Variants in ATXN1 observed in about 807,000 individuals in gnomAD.
ATXN1 encodes the protein ataxin-1.
Under a neutral mutation model 56.4 loss-of-function variants are expected in ATXN1, and 8 were observed. The ratio of observed to expected loss-of-function variants is 0.14; its 90% CI spans 0.08 to 0.26. The LOEUF is 0.26. Among genes scored for constraint, ATXN1 ranks in the 10% least tolerant of loss-of-function variants. The pLI is 1.00. For missense variants in ATXN1, 987 were observed against 1,106.5 expected (o/e 0.89, Z 1.53); for synonymous variants, 514 against 494.6 (o/e 1.04, Z -0.52).
chr6:16,419,978 T>C (rs1758998544), intron 6 of ATXN1, among the ~76,000 whole-genome samples: 1 of 152,222 alleles, frequency 6.6e-6, no homozygotes, highest in Non-Finnish European at 1.5e-5. Context: ...GGGCATTTTG[T>C]TCTGGTGCAC....
At chr6:16,514,647 G>A (rs1454774612) in intron 5 of ATXN1, among the ~76,000 whole-genome samples, 1 of 152,108 alleles carries the variant, frequency 6.6e-6, no homozygotes. Context: ...ATACTCACGT[G>A]GGCATATCTG....
At chr6:16,740,375 C>G (rs1239064276) in intron 2 of ATXN1, among the ~76,000 whole-genome samples, 1 of 152,116 alleles carries the variant, frequency 6.6e-6, no homozygotes, top group East Asian at 1.9e-4. Flanking sequence ...TCACAGGTGG[C>G]TGGAAGAGCT....
chr6:16,520,572 A>G (rs1319732006), intron 5 of ATXN1, among the ~76,000 whole-genome samples: 1 of 152,144 alleles, frequency 6.6e-6, no homozygotes, highest in Non-Finnish European at 1.5e-5. Context: ...GGAAATGGAC[A>G]TTTCTTCACT....
intron 3 of ATXN1, among the ~76,000 whole-genome samples, chr6:16,643,424 T>C (rs1763743224): frequency 6.7e-6 from 1 of 150,240 alleles, no homozygotes; most frequent in African/African-American, 2.4e-5. Flanking sequence ...AGCCCAGGAG[T>C]TTAAGACAAG....
At chr6:16,479,585 T>G (rs1219714619) in intron 6 of ATXN1, among the ~76,000 whole-genome samples, 1 of 152,126 alleles carries the variant, frequency 6.6e-6, no homozygotes, top group Non-Finnish European at 1.5e-5. Context: ...TCCTAAGGAG[T>G]AATTTATGTG....
At chr6:16,334,537 G>A (rs1032726947) in intron 6 of ATXN1, among the ~76,000 whole-genome samples, 19 of 151,948 alleles carry the variant, frequency 1.3e-4, no homozygotes, top group African/African-American at 3.4e-4. Context: ...ACAACATATC[G>A]AGATCCTGTC....
chr6:16,662,710 T>C (rs887796091), intron 2 of ATXN1, among the ~76,000 whole-genome samples: 10 of 152,250 alleles, frequency 6.6e-5, no homozygotes, highest in Admixed American at 5.9e-4. Context: ...TCATAAGCTA[T>C]ATTCAGTTGT....
At chr6:16,660,636 TTTG>T (rs1443458968) in intron 2 of ATXN1, among the ~76,000 whole-genome samples, 1 of 149,622 alleles carries the variant, frequency 6.7e-6, no homozygotes, top group Non-Finnish European at 1.5e-5. Flanking sequence ...TCAATTATAA[TTTG>T]TTTTTACATG....
chr6:16,678,401 T>C (rs932303772), intron 2 of ATXN1, among the ~76,000 whole-genome samples: 1 of 152,258 alleles, frequency 6.6e-6, no homozygotes, highest in African/African-American at 2.4e-5. Context: ...CCAATCATTA[T>C]CATTTTTATT....
chr6:16,678,495 G>A (rs1432926295), intron 2 of ATXN1, among the ~76,000 whole-genome samples: 1 of 152,142 alleles, frequency 6.6e-6, no homozygotes, highest in Admixed American at 6.5e-5. Flanking sequence ...CAGAGAACCT[G>A]GCTGTCTTTT....
intron 4 of ATXN1, among the ~76,000 whole-genome samples, chr6:16,553,648 G>A (rs1046766109): frequency 2.0e-5 from 3 of 152,102 alleles, no homozygotes; most frequent in Non-Finnish European, 2.9e-5. Flanking sequence ...AATAGAATCC[G>A]TGGTTCTGAA....
chr6:16,640,867 T>A (rs1310911161), intron 3 of ATXN1, among the ~76,000 whole-genome samples: 1 of 152,176 alleles, frequency 6.6e-6, no homozygotes, highest in Non-Finnish European at 1.5e-5. Context: ...GCCAGGCTTC[T>A]TGTGACTGAA....
chr6:16,439,372 GCGGGGC>G (rs1759463692), intron 6 of ATXN1, among the ~76,000 whole-genome samples: 20 of 28,444 alleles, frequency 7.0e-4, no homozygotes, highest in Non-Finnish European at 1.1e-3. Context: ...GGGGCCGGGG[GCGGGGC>G]GGGAATAAGG....
At chr6:16,511,471 C>T (rs2113684253) in intron 5 of ATXN1, among the ~76,000 whole-genome samples, 1 of 152,268 alleles carries the variant, frequency 6.6e-6, no homozygotes. Context: ...AAACTTGAGC[C>T]ATGCTAGCTC....
chr6:16,323,690 T>C (rs1051836912), intron 7 of ATXN1, among the ~76,000 whole-genome samples: 13 of 152,124 alleles, frequency 8.5e-5, no homozygotes, highest in African/African-American at 3.1e-4. Context: ...CAAAACCTCT[T>C]TTCACACCTG....
rs139281364 is a variant in ATXN1 at position 16,310,496 on chromosome 6, T to G, written c.1918-3637A>C. 2.1e-3 allele frequency among the ~76,000 whole-genome samples: 321 copies of G among 152,264 alleles called. 1 individual carries two copies. The highest frequency in any genetic ancestry group is 7.3e-3 in the African/African-American group (305 of 41,556). On this transcript the variant is annotated intron_variant, in intron 7 of 7. Transcript: ENST00000436367. ...AATATTGTTGGATTCTTTTTTTCTT[T>G]TTGTGAGAGGGAGTCTTGCTCTGTC...
At chr6:16,527,808 T>C (rs1211720172) in intron 4 of ATXN1, among the ~76,000 whole-genome samples, 2 of 152,238 alleles carry the variant, frequency 1.3e-5, no homozygotes, top group African/African-American at 4.8e-5. Flanking sequence ...TCATGGAATA[T>C]GAACTGAGCT....
At chr6:16,695,897 G>A (rs137886933) in intron 2 of ATXN1, among the ~76,000 whole-genome samples, 1,937 of 152,160 alleles carry the variant, frequency 0.013, 40 homozygotes, top group African/African-American at 0.045. Context: ...CCAGGAGTTC[G>A]ACACTACAGT....
Position 16,326,940 on chromosome 6 carries a change from A to T in ATXN1, c.1371T>A (p.Thr457=). The T allele has an allele frequency of 6.2e-7, 1 of 1,614,060 alleles. No individual in the cohort carries two copies. The highest frequency in any genetic ancestry group is 1.1e-5 in the South Asian group (1 of 91,080). ...TCAGGTAGCCGATGACAGGGGGTTG[A>T]GTCCCTGCGTAGAAGGCCGTGGCTG... ...GLPATAFYAG[T]QPPVIGYLSG... The change falls in exon 7 of 8, where the codon ACT becomes ACA. Residue 457 remains threonine (T), a synonymous_variant. Transcript: ENST00000436367. This position sits in a 1 kb window ranked among gnomAD's most constrained non-coding sequence, Gnocchi z 6.6.
Sources: allele counts gnomAD v4.1 joint callset (sites outside exome capture counted in the v4.1 genomes callset), GRCh38; gene constraint gnomAD v4.1.1; non-coding constraint Gnocchi (gnomAD v3.1); transcripts MANE v1.5; gene names NCBI Gene and HGNC (gene_info 2026-07-23, HGNC 2026-07-21).